THSD4: variants seen among roughly 807,000 people sequenced by gnomAD.
THSD4 encodes thrombospondin type-1 domain-containing protein 4.
A neutral mutation model predicts 119.0 loss-of-function variants in THSD4; 69 were observed. The ratio of observed to expected loss-of-function variants is 0.58; its 90% confidence interval spans 0.48 to 0.71. The LOEUF is 0.71. THSD4 is among the 30% of genes least tolerant of loss of function. The probability of loss-of-function intolerance (pLI) is 0.00; values close to 1 mark genes in which losing one functional copy is unlikely to be tolerated. For missense variants in THSD4, 1,393 were observed against 1,391.1 expected (o/e 1.00, Z -0.02); for synonymous variants, 524 against 540.4 (o/e 0.97, Z 0.42).
In THSD4 at chr15:71,659,328, G is replaced by A. The variant is rs544206542; in HGVS notation, c.1153-1202G>A. On this transcript the variant is annotated intron_variant, in intron 7 of 17. Transcript: ENST00000261862. ...ACATGAGTCCCAATTTTAGATTCAG[G>A]AAACATGATCCTGAGCCCTGTGAGG... Among the ~76,000 whole-genome samples, 63 of 152,282 alleles carry A rather than the reference G, an allele frequency of 4.1e-4. No homozygotes were observed. In the South Asian group the frequency reaches 9.1e-3, roughly 22 times the overall value.
intron 7 of THSD4, among the ~76,000 whole-genome samples, chr15:71,552,844 C>T (rs924209153): frequency 6.6e-6 from 1 of 152,158 alleles, no homozygotes; most frequent in African/African-American, 2.4e-5. Context: ...TGGGGTTTCA[C>T]TCTGGTCTCC....
At chr15:71,686,387 C>T (rs1031266506) in intron 8 of THSD4, among the ~76,000 whole-genome samples, 2 of 152,174 alleles carry the variant, frequency 1.3e-5, no homozygotes, top group Non-Finnish European at 2.9e-5. Context: ...GAAACTGTTT[C>T]TCTCTCTGTC....
At chr15:71,364,947 C>G (rs1019152692) in intron 6 of THSD4, among the ~76,000 whole-genome samples, 1 of 152,094 alleles carries the variant, frequency 6.6e-6, no homozygotes, top group Non-Finnish European at 1.5e-5. Flanking sequence ...GCCCTAATCA[C>G]AAATGTTTTG....
intron 2 of THSD4, among the ~76,000 whole-genome samples, chr15:71,143,606 A>G (rs1203014339): frequency 1.3e-5 from 2 of 151,776 alleles, no homozygotes; most frequent in African/African-American, 4.8e-5. Context: ...GTGGCCACCC[A>G]GGCTGCACAG....
chr15:71,545,361 G>T (rs1347941837), intron 7 of THSD4, among the ~76,000 whole-genome samples: 2 of 152,110 alleles, frequency 1.3e-5, no homozygotes, highest in Non-Finnish European at 2.9e-5. Context: ...CCAGGGGCTG[G>T]CAAACTACTG....
chr15:71,495,243 G>T (rs2047995239), intron 7 of THSD4, among the ~76,000 whole-genome samples: 1 of 152,102 alleles, frequency 6.6e-6, no homozygotes, highest in Admixed American at 6.5e-5. Context: ...ATGTTGAAAT[G>T]GAGCTCTCCT....
chr15:71,692,581 C>T (rs1225882125), intron 8 of THSD4, among the ~76,000 whole-genome samples: 2 of 152,160 alleles, frequency 1.3e-5, no homozygotes, highest in Non-Finnish European at 1.5e-5. Context: ...AGCTTAGCCA[C>T]CAGAGCCCAA....
intron 8 of THSD4, among the ~76,000 whole-genome samples, chr15:71,666,043 T>C (rs2051411090): frequency 6.6e-6 from 1 of 152,172 alleles, no homozygotes; most frequent in Non-Finnish European, 1.5e-5. Context: ...TGTGAAGAAT[T>C]TCATTGGTAG....
At chr15:71,499,769 T>G (rs2048083392) in intron 7 of THSD4, among the ~76,000 whole-genome samples, 1 of 152,222 alleles carries the variant, frequency 6.6e-6, no homozygotes, top group Non-Finnish European at 1.5e-5. Flanking sequence ...TTTTGGTGAC[T>G]CCCATATTTT....
intron 8 of THSD4, among the ~76,000 whole-genome samples, chr15:71,670,448 T>A (rs1036636853): frequency 4.6e-5 from 7 of 151,132 alleles, no homozygotes. Context: ...CCATGGTGTA[T>A]ATGTGCCACA....
chr15:71,462,218 G>A (rs1407598588), intron 7 of THSD4, among the ~76,000 whole-genome samples: 22 of 152,170 alleles, frequency 1.4e-4, no homozygotes, highest in Admixed American at 1.3e-3. Context: ...CTGGAGTGCA[G>A]TGATGTGATC....
At chr15:71,551,895 C>T (rs750813192) in intron 7 of THSD4, among the ~76,000 whole-genome samples, 1 of 152,212 alleles carries the variant, frequency 6.6e-6, no homozygotes, top group Non-Finnish European at 1.5e-5. Flanking sequence ...AAGCAAGCCA[C>T]CCTTACCAGT....
intron 1 of THSD4, among the ~76,000 whole-genome samples, chr15:71,123,940 G>T (rs998825325): frequency 1.3e-5 from 2 of 152,198 alleles, no homozygotes; most frequent in African/African-American, 2.4e-5. Flanking sequence ...TCATATGGTC[G>T]CACTCTCTCT....
chr15:71,366,544 G>A (rs551579249), intron 6 of THSD4, among the ~76,000 whole-genome samples: 1 of 152,268 alleles, frequency 6.6e-6, no homozygotes, highest in East Asian at 1.9e-4. Context: ...TATTTCCCAT[G>A]ACAACACATG....
chr15:71,347,999 G>T (rs755721696), intron 6 of THSD4, among the ~76,000 whole-genome samples: 1 of 152,162 alleles, frequency 6.6e-6, no homozygotes. Flanking sequence ...TATCCCTGTT[G>T]CCCCAGACCA....
intron 7 of THSD4, among the ~76,000 whole-genome samples, chr15:71,536,961 A>G (rs1364266133): frequency 1.3e-5 from 2 of 152,194 alleles, no homozygotes; most frequent in African/African-American, 2.4e-5. Flanking sequence ...TCAGCAGTCA[A>G]TGGCATGGTC....
At chr15:71,636,380 G>A (rs2050740122) in intron 7 of THSD4, among the ~76,000 whole-genome samples, 1 of 152,062 alleles carries the variant, frequency 6.6e-6, no homozygotes, top group Admixed American at 6.6e-5. Flanking sequence ...CCGAGATGGT[G>A]CCACTGCACT....
intron 1 of THSD4, among the ~76,000 whole-genome samples, chr15:71,121,429 C>A (rs1324637877): frequency 6.6e-6 from 1 of 151,854 alleles, no homozygotes. Flanking sequence ...AGCACAGAAG[C>A]AACTTCTCTT....
At chr15:71,395,992 C>G (rs539275519) in intron 6 of THSD4, among the ~76,000 whole-genome samples, 2 of 149,526 alleles carry the variant, frequency 1.3e-5, no homozygotes, top group Admixed American at 1.3e-4. Context: ...GTTGTTCAGG[C>G]GTCGGGATTC....
Sources: allele counts gnomAD v4.1 joint callset (sites outside exome capture counted in the v4.1 genomes callset), GRCh38; gene constraint gnomAD v4.1.1; transcripts MANE v1.5; gene names NCBI Gene and HGNC (gene_info 2026-07-23, HGNC 2026-07-21).